RCOR1: variants seen among roughly 807,000 people sequenced by gnomAD.
RCOR1 encodes the protein REST corepressor 1, also known as REST corepressor.
In RCOR1, 12 loss-of-function variants were observed where a neutral mutation model predicts 64.0. The ratio of observed to expected loss-of-function variants is 0.19; its 90% CI spans 0.12 to 0.30. The LOEUF is 0.30. Ranked by LOEUF, RCOR1 falls within the 10% of genes least tolerant of loss-of-function variation. The probability of loss-of-function intolerance (pLI) is 1.00; values close to 1 mark genes in which losing one functional copy is unlikely to be tolerated. For synonymous variants in RCOR1, 279 were observed against 227.2 expected (o/e 1.23, Z -2.05); for missense variants, 502 against 621.2 (o/e 0.81, Z 2.04).
rs992934229 is a variant in RCOR1, at chr14:102,660,846, A to G, written c.362-21049A>G. Among the ~76,000 whole-genome samples, 3 of 152,218 alleles carry G rather than the reference A, an allele frequency of 2.0e-5. No homozygotes were observed. The East Asian group carries it at 5.8e-4, about 29-fold the overall frequency. ...TTTCATCCTTTCATCTAAAAACATAATATTATAAGGATAGATATTTCCTTA... is the reference window on the plus strand; with the variant it reads ...TTTCATCCTTTCATCTAAAAACATAGTATTATAAGGATAGATATTTCCTTA... On this transcript the variant is annotated intron_variant, in intron 2 of 11. Coordinates refer to ENST00000262241, the MANE Select transcript of RCOR1 (RefSeq NM_015156.4).
chr14:102,697,413 G>T (rs948328372), intron 3 of RCOR1, among the ~76,000 whole-genome samples: 6 of 152,194 alleles, frequency 3.9e-5, no homozygotes, highest in African/African-American at 1.4e-4. Flanking sequence ...CTTTTATCTT[G>T]TGGGACAGGA....
Position 102,592,821 on chromosome 14 carries a change from G to C in RCOR1, c.-66G>C. On this transcript the variant is annotated 5_prime_UTR_variant, in exon 1 of 12. Transcript: ENST00000262241. The stretch of plus-strand genomic sequence containing the variant: ...GCGCCGGCCCCGCGCCCCCTCCCCC[G>C]TCTCGGCGCCCCCTCCTCAGGAGCC... 3 of 1,167,130 alleles carry C rather than the reference G, an allele frequency of 2.6e-6. No individual in the cohort carries two copies. Among genetic ancestry groups the C allele is most frequent in the Non-Finnish European group, 3.2e-6 (3 of 947,388 alleles). The allele number at this position is 1,167,130 out of a possible 1,614,324, so 72.3% of individuals were successfully genotyped here.
chr14:102,711,848 A>G (rs1048631473), intron 7 of RCOR1, among the ~76,000 whole-genome samples: 1 of 152,206 alleles, frequency 6.6e-6, no homozygotes, highest in African/African-American at 2.4e-5. Context: ...AATATTATCC[A>G]TAATCACTGT....
At chr14:102,605,034 C>T (rs1893475533) in intron 2 of RCOR1, among the ~76,000 whole-genome samples, 1 of 138,944 alleles carries the variant, frequency 7.2e-6, no homozygotes, top group Admixed American at 7.9e-5. Context: ...TGCCACTGCA[C>T]TCCAGCCTGG....
chr14:102,687,051 G>A (rs1360682047), intron 3 of RCOR1, among the ~76,000 whole-genome samples: 1 of 152,114 alleles, frequency 6.6e-6, no homozygotes, highest in Non-Finnish European at 1.5e-5. Context: ...AACAAGTTCT[G>A]TCCAAAAGTA....
chr14:102,644,219 GA>G (rs542699224), intron 2 of RCOR1, among the ~76,000 whole-genome samples: 190 of 152,310 alleles, frequency 1.2e-3, no homozygotes, highest in Admixed American at 5.1e-3. Flanking sequence ...CTGCTTACAA[GA>G]AAGTGCAGGC....
chr14:102,718,558 C>T (rs1896112747), intron 8 of RCOR1, among the ~76,000 whole-genome samples: 2 of 140,492 alleles, frequency 1.4e-5, no homozygotes, highest in South Asian at 5.0e-4. Flanking sequence ...AAGTAGAAAA[C>T]AGAAAGTTCT....
chr14:102,620,693 C>A (rs1893855945), intron 2 of RCOR1, among the ~76,000 whole-genome samples: 1 of 152,120 alleles, frequency 6.6e-6, no homozygotes, highest in Admixed American at 6.6e-5. Context: ...TGCACTCCAT[C>A]CCGGGCCACA....
intron 4 of RCOR1, among the ~76,000 whole-genome samples, chr14:102,703,698 G>A (rs1348839233): frequency 6.6e-6 from 1 of 152,202 alleles, no homozygotes; most frequent in African/African-American, 2.4e-5. Flanking sequence ...AGCTGAACTT[G>A]CCAACTGGTA....
At chr14:102,619,130 A>C (rs916217417) in intron 2 of RCOR1, among the ~76,000 whole-genome samples, 1 of 123,578 alleles carries the variant, frequency 8.1e-6, no homozygotes, top group African/African-American at 3.9e-5. Context: ...GTCTGTCTTT[A>C]TATTTTTTGA....
chr14:102,665,810 G>A (rs1894907236), intron 2 of RCOR1, among the ~76,000 whole-genome samples: 1 of 152,136 alleles, frequency 6.6e-6, no homozygotes, highest in Non-Finnish European at 1.5e-5. Context: ...TTTGGTGTGT[G>A]TTATGTGACA....
intron 3 of RCOR1, among the ~76,000 whole-genome samples, chr14:102,695,725 T>TC (rs1555466729): frequency 6.6e-6 from 1 of 151,632 alleles, no homozygotes; most frequent in Admixed American, 6.6e-5. Context: ...TTTTTTTTTT[T>TC]TTTTTAGTAG....
intron 2 of RCOR1, among the ~76,000 whole-genome samples, chr14:102,679,795 C>A (rs931194508): frequency 6.6e-6 from 1 of 152,120 alleles, no homozygotes; most frequent in Non-Finnish European, 1.5e-5. Flanking sequence ...TGTCTTTATG[C>A]CAATACCATA....
At chr14:102,642,439 G>A (rs1203625881) in intron 2 of RCOR1, among the ~76,000 whole-genome samples, 1 of 152,206 alleles carries the variant, frequency 6.6e-6, no homozygotes, top group Admixed American at 6.5e-5. Flanking sequence ...TGTTAAGAGT[G>A]ATAATATTTG....
chr14:102,596,911 T>C (rs1893263401), intron 2 of RCOR1, among the ~76,000 whole-genome samples: 1 of 148,472 alleles, frequency 6.7e-6, no homozygotes, highest in Non-Finnish European at 1.5e-5. Context: ...CTTGATCTGT[T>C]GCCCAGGCTG....
At chr14:102,657,954 TTTTTA>T in intron 2 of RCOR1, 1 of 976,056 alleles carries the variant, frequency 1.0e-6, no homozygotes, top group Non-Finnish European at 1.2e-6. Flanking sequence ...AGGGGTGTTC[TTTTTA>T]ATTTAATTTA....
chr14:102,669,563 C>G (rs1229851517), intron 2 of RCOR1, among the ~76,000 whole-genome samples: 7 of 152,168 alleles, frequency 4.6e-5, no homozygotes, highest in Middle Eastern at 3.2e-3. Context: ...CCGACTCTGT[C>G]TTCTGCTGTT....
In RCOR1 at chr14:102,730,277, T is replaced by A; in HGVS notation, c.*3771T>A. On this transcript the variant is annotated 3_prime_UTR_variant, in exon 12 of 12. Coordinates refer to ENST00000262241, the MANE Select transcript of RCOR1 (RefSeq NM_015156.4). ...GTTAAGTTTGCAAATATAATGGAAA[T>A]GCTGTATATCTTTTGAAGTGATGAA... 2.9e-6 allele frequency: 1 copy of A among 343,682 alleles called. No individual in the cohort carries two copies. Among genetic ancestry groups the A allele is most frequent in the Admixed American group, 4.7e-5 (1 of 21,132 alleles). The allele number at this position is 343,682 out of a possible 1,614,324, so 21.3% of individuals were successfully genotyped here.
chr14:102,619,933 A>G (rs1893839316), intron 2 of RCOR1, among the ~76,000 whole-genome samples: 1 of 152,218 alleles, frequency 6.6e-6, no homozygotes, highest in Admixed American at 6.6e-5. Context: ...ACTGACAGCC[A>G]TAACTGCGTA....
Sources: allele counts gnomAD v4.1 joint callset (sites outside exome capture counted in the v4.1 genomes callset), GRCh38; gene constraint gnomAD v4.1.1; transcripts MANE v1.5; gene names NCBI Gene and HGNC (gene_info 2026-07-23, HGNC 2026-07-21).